The following NOPCHAP1 variants were observed in gnomAD, a reference collection of about 807,000 sequenced individuals.
NOPCHAP1 encodes the protein DNA damage-sensitive RNA 1.
NOPCHAP1 carries 13 observed loss-of-function variants against 14.0 expected under a neutral mutation model. The ratio of observed to expected loss-of-function variants is 0.93; its 90% CI spans 0.60 to 1.47. The LOEUF (loss-of-function observed/expected upper bound fraction) is 1.47. Among genes scored for constraint, NOPCHAP1 ranks in the 40% most tolerant of loss-of-function variants. The pLI, the probability that NOPCHAP1 is intolerant of heterozygous loss-of-function variation, is 0.00. For synonymous variants in NOPCHAP1, 78 were observed against 78.4 expected (o/e 1.00, Z 0.03); for missense variants, 230 against 226.9 (o/e 1.01, Z -0.09).
Position 104,996,688 on chromosome 12 carries a change from C to A in NOPCHAP1, c.*1992C>A, listed in dbSNP as rs1873508100. On this transcript the variant is annotated 3_prime_UTR_variant, in exon 4 of 4. Coordinates refer to ENST00000552951, the MANE Select transcript of NOPCHAP1 (RefSeq NM_152318.3). Reference sequence around the variant, plus strand: ...TTAGCTTTCTGCCTTGATGATCTGCCTAATACTGTCAGTGGGGTGTTAAAG... The same window carrying A: ...TTAGCTTTCTGCCTTGATGATCTGCATAATACTGTCAGTGGGGTGTTAAAG... 1 of 152,144 alleles carries A rather than the reference C, an allele frequency of 6.6e-6. No individual in the cohort carries two copies. The highest frequency in any genetic ancestry group is 2.1e-4 in the South Asian group (1 of 4,824). The allele number at this position is 152,144 out of a possible 1,614,324, so 9.4% of individuals were successfully genotyped here. A position where few individuals can be genotyped will look rare whatever the true frequency, so the allele number is the denominator to read the frequency against.
intron 3 of NOPCHAP1, 87 bp from the exon 4 acceptor site, chr12:104,994,391 T>G (rs1293547639): frequency 8.4e-7 from 1 of 1,194,326 alleles, no homozygotes; most frequent in Non-Finnish European, 1.2e-6. Flanking sequence ...ATATGTTTGC[T>G]GAATGTTGGT....
rs192794426 is a variant in NOPCHAP1 at position 105,014,063 on chromosome 12, G to A, written c.*19367G>A. 6.6e-6 allele frequency: 1 copy of A among 152,320 alleles called. No homozygotes were observed. Among genetic ancestry groups the A allele is most frequent in the Non-Finnish European group, 1.5e-5 (1 of 68,030 alleles). The allele number at this position is 152,320 out of a possible 1,614,324, so 9.4% of individuals were successfully genotyped here. On this transcript the variant is annotated 3_prime_UTR_variant, in exon 4 of 4. Coordinates refer to ENST00000552951, the MANE Select transcript of NOPCHAP1 (RefSeq NM_152318.3). ...ACACAGAGATGATTAGTGTCACATG[G>A]TATCGTGAGTAGATACTTGCAACAC...
At chr12:104,993,439 G>C (rs773088397) in intron 3 of NOPCHAP1, among the ~76,000 whole-genome samples, 2 of 152,090 alleles carry the variant, frequency 1.3e-5, no homozygotes, top group South Asian at 4.1e-4. Flanking sequence ...GTGGTCAGCC[G>C]CTCTGTCTCT....
rs1376642024 is a variant in NOPCHAP1, at chr12:105,010,409, ATCT to A, written c.*15717_*15719del. 6 of 151,800 alleles carry A rather than the reference ATCT, an allele frequency of 4.0e-5. No homozygotes were observed. The highest frequency in any genetic ancestry group is 8.8e-5 in the Non-Finnish European group (6 of 67,950). The allele number at this position is 151,800 out of a possible 1,614,324, so 9.4% of individuals were successfully genotyped here. On this transcript the variant is annotated 3_prime_UTR_variant, in exon 4 of 4. Transcript: ENST00000552951. ...GGCTTGTGGTCTATCTATTTTGTTAATCTTCTCAAAAAACCAGCTCCTGGATTC... is the reference window on the plus strand; with the variant it reads ...GGCTTGTGGTCTATCTATTTTGTTAATCTCAAAAAACCAGCTCCTGGATTC...
At chr12:104,986,735 G>T (rs1184107571) in intron 1 of NOPCHAP1, among the ~76,000 whole-genome samples, 1 of 152,168 alleles carries the variant, frequency 6.6e-6, no homozygotes, top group Non-Finnish European at 1.5e-5. Flanking sequence ...GCCAGGCGCC[G>T]CTGCCAGGCA....
At chr12:104,991,673 C>CTAG (rs1221948232) in intron 2 of NOPCHAP1, 39 bp from the exon 3 acceptor site, 1 of 1,544,622 alleles carries the variant, frequency 6.5e-7, no homozygotes, top group African/African-American at 1.4e-5. Context: ...TCAGAATTTA[C>CTAG]TAGCATAAAT....
Position 104,996,327 on chromosome 12 carries a change from C to T in NOPCHAP1, c.*1631C>T, listed in dbSNP as rs1873501164. On this transcript the variant is annotated 3_prime_UTR_variant, in exon 4 of 4. Transcript: ENST00000552951. ...AGGAAACTTACTTTTTTATAGTTCC[C>T]CTCCTTTTAAAAAGATGTTTTACAT... 6.6e-6 allele frequency: 1 copy of T among 151,714 alleles called. No homozygotes were observed. The highest frequency in any genetic ancestry group is 2.1e-4 in the South Asian group (1 of 4,780). The allele number at this position is 151,714 out of a possible 1,614,324, so 9.4% of individuals were successfully genotyped here.
rs1178915111 is a variant in NOPCHAP1 at position 105,012,065 on chromosome 12, G to T, written c.*17369G>T. ...TTGCTAGGTTGGGGAAGTTCTCGTG[G>T]ATAATATCCTGAAGAGTGTTTTCCA... On this transcript the variant is annotated 3_prime_UTR_variant, in exon 4 of 4. Transcript: ENST00000552951. 2.0e-5 allele frequency: 3 copies of T among 152,170 alleles called. No homozygotes were observed. Among genetic ancestry groups the T allele is most frequent in the African/African-American group, 7.2e-5 (3 of 41,426 alleles). 9.4% of individuals were successfully genotyped at this position (152,170 alleles called of 1,614,324 possible). A position where few individuals can be genotyped will look rare whatever the true frequency, so the allele number is the denominator to read the frequency against.
rs750737300 is a variant in NOPCHAP1, at chr12:104,986,473, G to C, written c.115+6G>C. The C allele has an allele frequency of 6.3e-7, 1 of 1,594,592 alleles. No homozygotes were observed. The highest frequency in any genetic ancestry group is 8.6e-7 in the Non-Finnish European group (1 of 1,169,290). On this transcript the variant is annotated splice_donor_region_variant and intron_variant, in intron 1 of 3. Transcript: ENST00000552951. ...GGGAAGCGACGGCCGCGGAGGTGAC[G>C]GACGGGTGACGGCGGCATGGGCCGC...
At position 105,015,513 on chromosome 12, in the gene NOPCHAP1, T is replaced by C. The variant is rs1211488153; in HGVS notation, c.*20817T>C. On this transcript the variant is annotated 3_prime_UTR_variant, in exon 4 of 4. Transcript: ENST00000552951. ...CAGCTACCCATAGTCAATCACAATA[T>C]AAAAATATTAAATGGAACATTCCAG... 1 of 152,230 alleles carries C rather than the reference T, an allele frequency of 6.6e-6. No individual in the cohort carries two copies. The highest frequency in any genetic ancestry group is 6.5e-5 in the Admixed American group (1 of 15,284). The allele number at this position is 152,230 out of a possible 1,614,324, so 9.4% of individuals were successfully genotyped here.
rs1311565750 is a variant in NOPCHAP1 at position 105,014,264 on chromosome 12, A to T, written c.*19568A>T. On this transcript the variant is annotated 3_prime_UTR_variant, in exon 4 of 4. Transcript: ENST00000552951. The stretch of plus-strand genomic sequence containing the variant: ...TGTGGGTAAGTGCTGATAAATTCTA[A>T]CTTTTTATAATAGATTTATATATTT... 6.6e-6 allele frequency: 1 copy of T among 152,152 alleles called. No homozygotes were observed. The highest frequency in any genetic ancestry group is 1.5e-5 in the Non-Finnish European group (1 of 68,040). The allele number at this position is 152,152 out of a possible 1,614,324, so 9.4% of individuals were successfully genotyped here. A position where few individuals can be genotyped will look rare whatever the true frequency, so the allele number is the denominator to read the frequency against.
At position 104,998,159 on chromosome 12, in the gene NOPCHAP1, T is replaced by TA; in HGVS notation, c.*3463_*3464insA. On this transcript the variant is annotated 3_prime_UTR_variant, in exon 4 of 4. Coordinates refer to ENST00000552951, the MANE Select transcript of NOPCHAP1 (RefSeq NM_152318.3). Reference sequence around the variant, plus strand: ...ACTTTATCCTGTATGTTGATGATCTTCATTCCTGTCTATATTCTGAATTTT... The same window carrying TA: ...ACTTTATCCTGTATGTTGATGATCTTACATTCCTGTCTATATTCTGAATTTT... 6.6e-6 allele frequency: 1 copy of TA among 152,538 alleles called. No homozygotes were observed. The highest frequency in any genetic ancestry group is 2.1e-4 in the South Asian group (1 of 4,840). The allele number at this position is 152,538 out of a possible 1,614,324, so 9.4% of individuals were successfully genotyped here. A position where few individuals can be genotyped will look rare whatever the true frequency, so the allele number is the denominator to read the frequency against.
rs1463871088 is a variant in NOPCHAP1, at chr12:105,004,479, T to A, written c.*9783T>A. The A allele has an allele frequency of 6.6e-6, 1 of 151,958 alleles. No homozygotes were observed. Among genetic ancestry groups the A allele is most frequent in the Non-Finnish European group, 1.5e-5 (1 of 67,990 alleles). The allele number at this position is 151,958 out of a possible 1,614,324, so 9.4% of individuals were successfully genotyped here. A position where few individuals can be genotyped will look rare whatever the true frequency, so the allele number is the denominator to read the frequency against. Reference sequence around the variant, plus strand: ...TACTTGGGAGGCTGAGACAGAAGAGTCACTTGAACCCAGGAGGTGGAGGTT... The same window carrying A: ...TACTTGGGAGGCTGAGACAGAAGAGACACTTGAACCCAGGAGGTGGAGGTT... On this transcript the variant is annotated 3_prime_UTR_variant, in exon 4 of 4. Transcript: ENST00000552951.
rs1229781831 is a variant in NOPCHAP1, at chr12:104,996,392, C to T, written c.*1696C>T. The T allele has an allele frequency of 1.3e-5, 2 of 149,974 alleles. No homozygotes were observed. The highest frequency in any genetic ancestry group is 4.9e-5 in the African/African-American group (2 of 40,530). The allele number at this position is 149,974 out of a possible 1,614,324, so 9.3% of individuals were successfully genotyped here. A position where few individuals can be genotyped will look rare whatever the true frequency, so the allele number is the denominator to read the frequency against. ...TTTTTTTTTTTTTAACTTTTAGGTTCAGAGGTACATGTGGAGGTTTGTTAT... is the reference window on the plus strand; with the variant it reads ...TTTTTTTTTTTTTAACTTTTAGGTTTAGAGGTACATGTGGAGGTTTGTTAT... On this transcript the variant is annotated 3_prime_UTR_variant, in exon 4 of 4. Coordinates refer to ENST00000552951, the MANE Select transcript of NOPCHAP1 (RefSeq NM_152318.3).
Position 104,997,553 on chromosome 12 carries a change from TTTCTGCTGACAG to T in NOPCHAP1, c.*2866_*2877del, listed in dbSNP as rs759553072. On this transcript the variant is annotated 3_prime_UTR_variant, in exon 4 of 4. Coordinates refer to ENST00000552951, the MANE Select transcript of NOPCHAP1 (RefSeq NM_152318.3). ...CCCCGATCTCTTCTGGCTTGTAGAG[TTTCTGCTGACAG>T]TTCTGCTGTTAGCCTGATGGGTTTC... is the stretch of plus-strand genomic sequence containing the variant. 3.3e-5 allele frequency: 5 copies of T among 152,130 alleles called. No individual in the cohort carries two copies. The highest frequency in any genetic ancestry group is 7.4e-5 in the Non-Finnish European group (5 of 68,024). The allele number at this position is 152,130 out of a possible 1,614,324, so 9.4% of individuals were successfully genotyped here.
rs1873687534 is a variant in NOPCHAP1 at position 105,005,447 on chromosome 12, A to C, written c.*10751A>C. On this transcript the variant is annotated 3_prime_UTR_variant, in exon 4 of 4. Transcript: ENST00000552951. ...CAGTCTGATTAGTTGCTGGGTGACC[A>C]ATCAGAGGCTGAAGTGAAGTTACAG... The C allele has an allele frequency of 6.6e-6, 1 of 152,250 alleles. No individual in the cohort carries two copies. The highest frequency in any genetic ancestry group is 6.5e-5 in the Admixed American group (1 of 15,284). The allele number at this position is 152,250 out of a possible 1,614,324, so 9.4% of individuals were successfully genotyped here.
rs950737771 is a variant in NOPCHAP1, at chr12:104,998,063, A to G, written c.*3367A>G. Reference sequence around the variant, plus strand: ...TGTCAGATCGGTTTAGTTCTCTCTTATAATGGCCGTTTTGTTTATCAGCTT... The same window carrying G: ...TGTCAGATCGGTTTAGTTCTCTCTTGTAATGGCCGTTTTGTTTATCAGCTT... On this transcript the variant is annotated 3_prime_UTR_variant, in exon 4 of 4. Transcript: ENST00000552951. 6.6e-6 allele frequency: 1 copy of G among 152,242 alleles called. No homozygotes were observed. The highest frequency in any genetic ancestry group is 1.5e-5 in the Non-Finnish European group (1 of 68,044). The allele number at this position is 152,242 out of a possible 1,614,324, so 9.4% of individuals were successfully genotyped here.
In NOPCHAP1 at chr12:105,000,523, G is replaced by C. The variant is rs1292407598; in HGVS notation, c.*5827G>C. On this transcript the variant is annotated 3_prime_UTR_variant, in exon 4 of 4. Transcript: ENST00000552951. Reference sequence around the variant, plus strand: ...GGAAAAGGAAAGATTAAGACAATAGGAAATAAGGGAAAAAGAAAAGGGACA... The same window carrying C: ...GGAAAAGGAAAGATTAAGACAATAGCAAATAAGGGAAAAAGAAAAGGGACA... The C allele has an allele frequency of 6.6e-6, 1 of 152,104 alleles. No homozygotes were observed. The allele number at this position is 152,104 out of a possible 1,614,324, so 9.4% of individuals were successfully genotyped here. A position where few individuals can be genotyped will look rare whatever the true frequency, so the allele number is the denominator to read the frequency against.
rs1873640008 is a variant in NOPCHAP1, at chr12:105,003,014, G to T, written c.*8318G>T. ...TGAGGTAAAGATGGGTAAAGAGAAA[G>T]AACAAAACAGGTTTGAATCAGTCAA... On this transcript the variant is annotated 3_prime_UTR_variant, in exon 4 of 4. Transcript: ENST00000552951. 1 of 152,170 alleles carries T rather than the reference G, an allele frequency of 6.6e-6. No individual in the cohort carries two copies. The highest frequency in any genetic ancestry group is 1.5e-5 in the Non-Finnish European group (1 of 68,030). 9.4% of individuals were successfully genotyped at this position (152,170 alleles called of 1,614,324 possible). A position where few individuals can be genotyped will look rare whatever the true frequency, so the allele number is the denominator to read the frequency against.
Sources: allele counts gnomAD v4.1 joint callset (sites outside exome capture counted in the v4.1 genomes callset), GRCh38; gene constraint gnomAD v4.1.1; transcripts MANE v1.5; gene names NCBI Gene and HGNC (gene_info 2026-07-23, HGNC 2026-07-21).